CDK6: variants seen among roughly 807,000 people sequenced by gnomAD.
The protein encoded by CDK6 is cyclin-dependent kinase 6.
CDK6 carries 6 observed loss-of-function variants against 37.1 expected under a neutral mutation model. The ratio of observed to expected loss-of-function variants is 0.16; its 90% CI spans 0.09 to 0.32. CDK6 has a LOEUF of 0.32. Ranked by LOEUF, CDK6 falls within the 10% of genes least tolerant of loss-of-function variation. The pLI is 1.00. For missense variants in CDK6, 224 were observed against 418.9 expected (o/e 0.53, Z 4.06); for synonymous variants, 160 against 161.3 (o/e 0.99, Z 0.06).
At chr7:92,713,667 T>TAA (rs535072218) in intron 4 of CDK6, among the ~76,000 whole-genome samples, 65 of 67,214 alleles carry the variant, frequency 9.7e-4, no homozygotes, top group Non-Finnish European at 4.6e-4. Context: ...TTAAAAAAAG[T>TAA]AAAAAAAAAA....
At chr7:92,797,028 GAA>G (rs1562967854) in intron 2 of CDK6, among the ~76,000 whole-genome samples, 1 of 152,110 alleles carries the variant, frequency 6.6e-6, no homozygotes, top group Non-Finnish European at 1.5e-5. Flanking sequence ...ACCCCACATC[GAA>G]CAGACTAGGC....
chr7:92,812,421 ATT>A (rs34354863), intron 2 of CDK6, among the ~76,000 whole-genome samples: 7 of 144,348 alleles, frequency 4.8e-5, no homozygotes, highest in African/African-American at 1.0e-4. Context: ...TTCTCATTCA[ATT>A]TTTTTTTTTT....
chr7:92,722,036 C>T (rs1798380582), intron 4 of CDK6, among the ~76,000 whole-genome samples: 1 of 152,044 alleles, frequency 6.6e-6, no homozygotes, highest in Non-Finnish European at 1.5e-5. Context: ...TGATCATGAA[C>T]TTAAAATGAA....
At chr7:92,647,398 G>A (rs1378915099) in intron 5 of CDK6, among the ~76,000 whole-genome samples, 1 of 152,188 alleles carries the variant, frequency 6.6e-6, no homozygotes, top group Non-Finnish European at 1.5e-5. Context: ...TTTAAGATGA[G>A]ATTGGAAGAA....
chr7:92,714,586 C>A (rs555354608), intron 4 of CDK6, among the ~76,000 whole-genome samples: 49 of 152,260 alleles, frequency 3.2e-4, no homozygotes, highest in African/African-American at 1.1e-3. Context: ...CTCCCTTCTA[C>A]ATGCCAGTCT....
chr7:92,675,727 G>T (rs191497588), intron 4 of CDK6, among the ~76,000 whole-genome samples: 4 of 152,286 alleles, frequency 2.6e-5, no homozygotes, highest in Non-Finnish European at 4.4e-5. Context: ...TTTGTTAGCA[G>T]TGTGTCTTAA....
In CDK6 at chr7:92,614,304, G is replaced by A. The variant is rs879309171; in HGVS notation, c.*836C>T. 7 of 232,640 alleles carry A rather than the reference G, an allele frequency of 3.0e-5. No individual in the cohort carries two copies. Among genetic ancestry groups the A allele is most frequent in the Non-Finnish European group, 5.1e-5 (6 of 117,910 alleles). 14.4% of individuals were successfully genotyped at this position (232,640 alleles called of 1,614,324 possible). A position where few individuals can be genotyped will look rare whatever the true frequency, so the allele number is the denominator to read the frequency against. On this transcript the variant is annotated 3_prime_UTR_variant, in exon 8 of 8. Coordinates refer to ENST00000424848, the MANE Select transcript of CDK6 (RefSeq NM_001145306.2). ...CTGAGGTACACTCCCTAAACCTATAGCAAGTAATAAAAAGCTTACAGGCTA... is the reference window on the plus strand; with the variant it reads ...CTGAGGTACACTCCCTAAACCTATAACAAGTAATAAAAAGCTTACAGGCTA...
chr7:92,727,864 T>C (rs538172137), intron 3 of CDK6, among the ~76,000 whole-genome samples: 1 of 152,244 alleles, frequency 6.6e-6, no homozygotes, highest in Non-Finnish European at 1.5e-5. Context: ...TAGCACAAAA[T>C]GTTCAAGGAA....
At chr7:92,812,361 GTT>G (rs1800906638) in intron 2 of CDK6, among the ~76,000 whole-genome samples, 1 of 151,788 alleles carries the variant, frequency 6.6e-6, no homozygotes, top group African/African-American at 2.4e-5. Flanking sequence ...AAGTAATAGT[GTT>G]TGTTATTTCT....
At chr7:92,815,946 AG>A (rs1211385130) in intron 2 of CDK6, among the ~76,000 whole-genome samples, 1 of 152,178 alleles carries the variant, frequency 6.6e-6, no homozygotes, top group Non-Finnish European at 1.5e-5. Flanking sequence ...ACTACAAAAG[AG>A]TAATGTCTTA....
intron 3 of CDK6, among the ~76,000 whole-genome samples, chr7:92,760,037 T>A (rs1799416182): frequency 1.3e-5 from 2 of 152,222 alleles, no homozygotes; most frequent in African/African-American, 4.8e-5. Context: ...TCCAGGATTT[T>A]AAAAGTATTG....
chr7:92,642,079 A>G (rs1444270625), intron 5 of CDK6, among the ~76,000 whole-genome samples: 1 of 151,990 alleles, frequency 6.6e-6, no homozygotes, highest in African/African-American at 2.4e-5. Context: ...TGTGGCTCAG[A>G]GTAAGACTCT....
At chr7:92,622,634 T>C (rs775285112) in intron 6 of CDK6, among the ~76,000 whole-genome samples, 2 of 152,082 alleles carry the variant, frequency 1.3e-5, no homozygotes, top group Non-Finnish European at 2.9e-5. Flanking sequence ...AGAACCAACC[T>C]GGGTGACCAA....
intron 4 of CDK6, among the ~76,000 whole-genome samples, chr7:92,709,064 G>A (rs940404365): frequency 2.0e-5 from 3 of 151,524 alleles, no homozygotes; most frequent in Non-Finnish European, 2.9e-5. Context: ...TGTTTTCCCC[G>A]GATCTACATT....
chr7:92,751,694 T>C (rs927803400), intron 3 of CDK6, among the ~76,000 whole-genome samples: 1 of 152,194 alleles, frequency 6.6e-6, no homozygotes, highest in Non-Finnish European at 1.5e-5. Context: ...TCCTTAACTC[T>C]GAAAATAATT....
chr7:92,809,400 A>G (rs1800815642), intron 2 of CDK6, among the ~76,000 whole-genome samples: 1 of 152,338 alleles, frequency 6.6e-6, no homozygotes, highest in East Asian at 1.9e-4. Flanking sequence ...TGGTAGACCT[A>G]TTCTGGACCA....
chr7:92,641,874 C>T (rs1259336003), intron 5 of CDK6, among the ~76,000 whole-genome samples: 11 of 152,284 alleles, frequency 7.2e-5, no homozygotes, highest in Non-Finnish European at 1.3e-4. Context: ...GCCACACAGC[C>T]TTAGATAAGA....
chr7:92,720,301 C>T (rs958000642), intron 4 of CDK6, among the ~76,000 whole-genome samples: 1 of 152,204 alleles, frequency 6.6e-6, no homozygotes, highest in African/African-American at 2.4e-5. Context: ...TTGATACCCT[C>T]TTGGGTACTG....
At chr7:92,741,096 G>A (rs1386634508) in intron 3 of CDK6, among the ~76,000 whole-genome samples, 1 of 152,152 alleles carries the variant, frequency 6.6e-6, no homozygotes, top group East Asian at 1.9e-4. Flanking sequence ...TCCACAATTA[G>A]AGGAATAGTT....
Sources: gnomAD v4.1 joint callset for allele counts (sites outside exome capture counted in the v4.1 genomes callset) on GRCh38, gnomAD v4.1.1 for gene constraint, MANE v1.5 for transcripts, NCBI Gene and HGNC (gene_info 2026-07-23, HGNC 2026-07-21) for gene names.